The following PTPRS variants were observed in gnomAD, a reference collection of about 807,000 sequenced individuals.
The protein encoded by PTPRS is protein tyrosine phosphatase receptor type S, also known as receptor-type tyrosine-protein phosphatase S.
In PTPRS, 63 loss-of-function variants were observed where a neutral mutation model predicts 215.3. The ratio of observed to expected loss-of-function variants is 0.29; its 90% CI spans 0.24 to 0.36. The LOEUF (loss-of-function observed/expected upper bound fraction) is 0.36. Among genes scored for constraint, PTPRS ranks in the 10% least tolerant of loss-of-function variants. The pLI, the probability that PTPRS is intolerant of heterozygous loss-of-function variation, is 1.00. For synonymous variants in PTPRS, 1,404 were observed against 1,191.4 expected (o/e 1.18, Z -3.68); for missense variants, 2,258 against 2,825.8 (o/e 0.80, Z 4.56).
At chr19:5,318,708 A>C (rs1011050217) in intron 1 of PTPRS, among the ~76,000 whole-genome samples, 2 of 152,184 alleles carry the variant, frequency 1.3e-5, no homozygotes, top group African/African-American at 4.8e-5. Flanking sequence ...ACTGGAGTAC[A>C]ATGGTGAGAT....
At chr19:5,238,490 T>C (rs1185337181) in intron 13 of PTPRS, among the ~76,000 whole-genome samples, 1 of 152,064 alleles carries the variant, frequency 6.6e-6, no homozygotes, top group Non-Finnish European at 1.5e-5. Flanking sequence ...TCCTTTGCTC[T>C]GAGAATGATG....
intron 9 of PTPRS, among the ~76,000 whole-genome samples, chr19:5,251,229 T>A (rs1339940760): frequency 1.3e-5 from 2 of 151,992 alleles, no homozygotes; most frequent in African/African-American, 4.8e-5. Flanking sequence ...CACCTGCGTA[T>A]TTTCTGCTAC....
Position 5,338,732 on chromosome 19 carries a change from C to A in PTPRS, c.-95+1932G>T, listed in dbSNP as rs1003270667. 1.3e-5 allele frequency among the ~76,000 whole-genome samples: 2 copies of A among 152,134 alleles called. No individual in the cohort carries two copies. The highest frequency in any genetic ancestry group is 3.9e-4 in the East Asian group (2 of 5,188). ...AAGGGACCCTGGGAGGGGGAGGGGA[C>A]TTATGCAAATGGCAGATTCGACCAA... is the stretch of plus-strand genomic sequence containing the variant. On this transcript the variant is annotated intron_variant, in intron 1 of 37. Coordinates refer to ENST00000262963, the MANE Select transcript of PTPRS (RefSeq NM_002850.4). The surrounding 1 kb of genome is among the most constrained non-coding windows in gnomAD (Gnocchi z 4.2).
intron 13 of PTPRS, among the ~76,000 whole-genome samples, chr19:5,233,851 CAGGAGA>C (rs1423491322): frequency 7.2e-6 from 1 of 139,618 alleles, no homozygotes; most frequent in Non-Finnish European, 1.5e-5. Flanking sequence ...GAGGCTGAGG[CAGGAGA>C]ATCACTTGAA....
At chr19:5,313,661 T>C (rs2049780715) in intron 1 of PTPRS, among the ~76,000 whole-genome samples, 1 of 152,066 alleles carries the variant, frequency 6.6e-6, no homozygotes, top group South Asian at 2.1e-4. Context: ...GGGGCTGGTG[T>C]GGGCGCTTCT....
chr19:5,231,289 G>C (rs749276450), intron 14 of PTPRS, 21 bp downstream of exon 14: 1 of 1,581,212 alleles, frequency 6.3e-7, no homozygotes, highest in Non-Finnish European at 8.6e-7. Flanking sequence ...GGGGGGTCCC[G>C]GGCCTGGGGC....
chr19:5,244,409 C>T lies in PTPRS; in HGVS notation c.1062G>A (p.Ser354=), dbSNP rs200304079. The change falls in exon 11 of 38, where the codon TCG becomes TCA. Residue 354 remains serine, a synonymous_variant. Coordinates refer to ENST00000262963, the MANE Select transcript of PTPRS (RefSeq NM_002850.4). This position sits in a 1 kb window ranked among gnomAD's most constrained non-coding sequence, Gnocchi z 7.2. ...AATAGGACACAGGATCTGGGTTGCC[C>T]GAGTCCCACGTGATGGTGATGCTGG... ...TATSITITWD[S]GNPDPVSYYV... 10 of 1,614,034 alleles carry T rather than the reference C, an allele frequency of 6.2e-6. No homozygotes were observed. Among genetic ancestry groups the T allele is most frequent in the Non-Finnish European group, 7.6e-6 (9 of 1,180,018 alleles).
intron 1 of PTPRS, among the ~76,000 whole-genome samples, chr19:5,289,038 G>C (rs1165891676): frequency 6.6e-6 from 1 of 152,168 alleles, no homozygotes; most frequent in Non-Finnish European, 1.5e-5. Flanking sequence ...ATTGGATGAT[G>C]TATCAGGAAT....
rs936054101 is a variant in PTPRS at position 5,210,058 on chromosome 19, C to A, written c.5487+411G>T. Among the ~76,000 whole-genome samples, 1 of 152,186 alleles carries A rather than the reference C, an allele frequency of 6.6e-6. No homozygotes were observed. Among genetic ancestry groups the A allele is most frequent in the Non-Finnish European group, 1.5e-5 (1 of 68,036 alleles). ...ACTGCAGTCCTTCATTGAGCCAACACCATCCATACTCATCTCTCCTCACCC... is the reference window on the plus strand; with the variant it reads ...ACTGCAGTCCTTCATTGAGCCAACAACATCCATACTCATCTCTCCTCACCC... On this transcript the variant is annotated intron_variant, in intron 35 of 37. Coordinates refer to ENST00000262963, the MANE Select transcript of PTPRS (RefSeq NM_002850.4). This position sits in a 1 kb window ranked among gnomAD's most constrained non-coding sequence, Gnocchi z 4.5.
intron 2 of PTPRS, among the ~76,000 whole-genome samples, chr19:5,280,601 A>AT (rs2047764400): frequency 6.6e-6 from 1 of 152,060 alleles, no homozygotes. Context: ...GGTGCCTGTA[A>AT]TCCCAGCTAC....
rs1455160896 is a variant in PTPRS at position 5,222,293 on chromosome 19, A to C, written c.3104-73T>G. On this transcript the variant is annotated intron_variant, in intron 18 of 37. Transcript: ENST00000262963. ...TGAGTGCCTGGCACTGGGTGGCGTGAAGCGGGGTGGGGTGGGGCGGCCCAG... is the reference window on the plus strand; with the variant it reads ...TGAGTGCCTGGCACTGGGTGGCGTGCAGCGGGGTGGGGTGGGGCGGCCCAG... The C allele has an allele frequency of 6.8e-6, 9 of 1,326,836 alleles. No homozygotes were observed. In the African/African-American group the frequency reaches 1.3e-4, roughly 19 times the overall value. The allele number at this position is 1,326,836 out of a possible 1,614,324, so 82.2% of individuals were successfully genotyped here.
rs895982467 is a variant in PTPRS at position 5,222,959 on chromosome 19, T to C, written c.2833A>G (p.Thr945Ala). 4 of 1,546,462 alleles carry C rather than the reference T, an allele frequency of 2.6e-6. No homozygotes were observed. The African/African-American group carries it at 4.1e-5, about 16-fold the overall frequency. ...LEAAGNASAG[T>A]VLLRWLPPVP... ...GGTGGCAGCCAGCGGAGAAGGACGG[T>C]CCCGGCCGAGGCGTTGCCGGCCGCC... The change falls in exon 18 of 38, where the codon ACC becomes GCC. Residue 945 changes from threonine (T) to alanine (A), a missense_variant. By Grantham distance (58) the Thr-to-Ala change is moderately conservative. This residue lies in a region of PTPRS where 361 missense variants were observed against 332.6 expected (regional missense o/e 1.09). Transcript: ENST00000262963.
In PTPRS at chr19:5,319,210, G is replaced by A. The variant is rs371262502; in HGVS notation, c.-95+21454C>T. Among the ~76,000 whole-genome samples, 41 of 152,220 alleles carry A rather than the reference G, an allele frequency of 2.7e-4. No homozygotes were observed. The South Asian group carries it at 6.2e-3, about 23-fold the overall frequency. ...GCAGATCACCCGAGGTCAGGAGCTC[G>A]AGACCAGCCTGACCAACATGGCAAA... On this transcript the variant is annotated intron_variant, in intron 1 of 37. Transcript: ENST00000262963.
intron 17 of PTPRS, 125 bp downstream of exon 17, chr19:5,225,602 C>T (rs190760772): frequency 2.3e-6 from 2 of 859,968 alleles, no homozygotes; most frequent in Non-Finnish European, 3.8e-6. Context: ...ACCTTTGTCT[C>T]ACTGTTCCAG....
intron 1 of PTPRS, among the ~76,000 whole-genome samples, chr19:5,292,171 C>A (rs1253716415): frequency 6.6e-6 from 1 of 152,184 alleles, no homozygotes; most frequent in Non-Finnish European, 1.5e-5. Flanking sequence ...ACCCCAGGAA[C>A]GTGGCAAAGC....
chr19:5,332,427 C>T (rs2050357428), intron 1 of PTPRS, among the ~76,000 whole-genome samples: 1 of 152,088 alleles, frequency 6.6e-6, no homozygotes, highest in African/African-American at 2.4e-5. Flanking sequence ...CATGCCCAGC[C>T]AAAATTGGGC....
chr19:5,256,291 G>C (rs771064952), intron 8 of PTPRS, among the ~76,000 whole-genome samples, 172 bp from the exon 9 acceptor site: 3 of 148,618 alleles, frequency 2.0e-5, no homozygotes, highest in Admixed American at 6.7e-5. Context: ...AAAATAAAAA[G>C]AACAGCAATG....
intron 1 of PTPRS, among the ~76,000 whole-genome samples, chr19:5,305,914 T>C (rs758333325): frequency 7.2e-5 from 7 of 96,782 alleles, no homozygotes; most frequent in Non-Finnish European, 1.3e-4. Context: ...CACTCCAGCC[T>C]GGGCGACAGA....
chr19:5,311,719 C>A (rs2049708771), intron 1 of PTPRS, among the ~76,000 whole-genome samples: 1 of 152,106 alleles, frequency 6.6e-6, no homozygotes, highest in South Asian at 2.1e-4. Context: ...TGCAGGGTAA[C>A]TGGGCGAGAG....
Sources: gnomAD v4.1 joint callset for allele counts (sites outside exome capture counted in the v4.1 genomes callset) on GRCh38, gnomAD v4.1.1 for gene constraint, gnomAD v4.1.1 regional missense constraint, Gnocchi (gnomAD v3.1) non-coding constraint, MANE v1.5 for transcripts, NCBI Gene and HGNC (gene_info 2026-07-23, HGNC 2026-07-21) for gene names.